ADGRL3: variants seen among roughly 807,000 people sequenced by gnomAD.
The protein encoded by ADGRL3 is adhesion G protein-coupled receptor L3.
ADGRL3 carries 62 observed loss-of-function variants against 153.5 expected under a neutral mutation model. That is an observed-to-expected ratio of 0.40 (90% confidence interval 0.33 to 0.50). The LOEUF is 0.50. Ranked by LOEUF, ADGRL3 falls within the 20% of genes least tolerant of loss-of-function variation. The pLI is 0.47. For missense variants in ADGRL3, 1,641 were observed against 1,859.4 expected, an observed-to-expected ratio of 0.88 and a Z score of 2.16; for synonymous variants, 710 against 672.5, an observed-to-expected ratio of 1.06 and a Z score of -0.86.
At chr4:61,448,848 G>GAAGGAA (rs1389471664) in intron 2 of ADGRL3, among the ~76,000 whole-genome samples, 9 of 8,932 alleles carry the variant, frequency 1.0e-3, no homozygotes, top group Admixed American at 3.8e-3. Flanking sequence ...GGGAAGGAAG[G>GAAGGAA]GAAGGAAGGG....
intron 5 of ADGRL3, among the ~76,000 whole-genome samples, chr4:61,611,651 G>A (rs532586380): frequency 2.2e-3 from 334 of 152,194 alleles, no homozygotes; most frequent in Non-Finnish European, 4.1e-3. Context: ...GGCCAGGCAC[G>A]GCGGCTCGTG....
chr4:62,020,902 T>A (rs2099234940), intron 21 of ADGRL3, among the ~76,000 whole-genome samples: 1 of 152,236 alleles, frequency 6.6e-6, no homozygotes, highest in Non-Finnish European at 1.5e-5. Context: ...TTGGAAATAC[T>A]TCCATTTCAA....
chr4:61,435,764 A>G (rs1389764428), intron 2 of ADGRL3, among the ~76,000 whole-genome samples: 1 of 152,092 alleles, frequency 6.6e-6, no homozygotes, highest in East Asian at 1.9e-4. Flanking sequence ...ACCATCTCAA[A>G]GGGCTAATCT....
At chr4:62,047,163 A>C (rs192970004) in intron 25 of ADGRL3, among the ~76,000 whole-genome samples, 1 of 151,608 alleles carries the variant, frequency 6.6e-6, no homozygotes. Flanking sequence ...GTTTTTTTTT[A>C]AATTCAGACT....
chr4:61,806,864 A>G (rs747895496), intron 8 of ADGRL3, among the ~76,000 whole-genome samples: 1 of 152,120 alleles, frequency 6.6e-6, no homozygotes, highest in African/African-American at 2.4e-5. Flanking sequence ...AATTGGGAGT[A>G]TAAATGTGAC....
chr4:61,435,715 T>C (rs1011630727), intron 2 of ADGRL3, among the ~76,000 whole-genome samples: 1 of 150,484 alleles, frequency 6.6e-6, no homozygotes, highest in African/African-American at 2.4e-5. Flanking sequence ...CTTTCTCTCT[T>C]GTCCTTCACC....
intron 5 of ADGRL3, 49 bp from the exon 6 acceptor site, chr4:61,676,777 T>A: frequency 8.1e-7 from 1 of 1,236,952 alleles, no homozygotes; most frequent in South Asian, 1.2e-5. Context: ...TTGATAATAA[T>A]TTAACTTTGC....
At chr4:61,546,619 C>T (rs2098714904) in intron 4 of ADGRL3, among the ~76,000 whole-genome samples, 1 of 151,966 alleles carries the variant, frequency 6.6e-6, no homozygotes, top group Non-Finnish European at 1.5e-5. Flanking sequence ...AATGAAGTCA[C>T]GTTTATAGCC....
intron 2 of ADGRL3, among the ~76,000 whole-genome samples, chr4:61,412,044 C>G (rs1578710458): frequency 6.6e-6 from 1 of 152,068 alleles, no homozygotes; most frequent in South Asian, 2.1e-4. Context: ...CTTCAGTAAA[C>G]TAGGTGCTAT....
chr4:61,743,279 C>T (rs1289516848), intron 8 of ADGRL3, among the ~76,000 whole-genome samples: 1 of 139,010 alleles, frequency 7.2e-6, no homozygotes, highest in African/African-American at 2.7e-5. Context: ...GAGATCAGAT[C>T]GTGCCACTGC....
intron 8 of ADGRL3, among the ~76,000 whole-genome samples, chr4:61,798,610 A>G (rs2097444847): frequency 6.6e-6 from 1 of 151,446 alleles, no homozygotes; most frequent in African/African-American, 2.4e-5. Context: ...TTATTTATTT[A>G]TTTATTTATT....
At chr4:61,640,526 C>G (rs2093617910) in intron 5 of ADGRL3, among the ~76,000 whole-genome samples, 2 of 151,966 alleles carry the variant, frequency 1.3e-5, no homozygotes, top group Non-Finnish European at 2.9e-5. Flanking sequence ...TTATCATAAG[C>G]CTTTTGATTT....
intron 1 of ADGRL3, among the ~76,000 whole-genome samples, chr4:61,329,784 G>T (rs2095535184): frequency 6.6e-6 from 1 of 152,204 alleles, no homozygotes. Flanking sequence ...GACATATGGA[G>T]TGTTTAATAT....
At chr4:61,378,668 A>C (rs1578534118) in intron 1 of ADGRL3, among the ~76,000 whole-genome samples, 1 of 152,168 alleles carries the variant, frequency 6.6e-6, no homozygotes, top group African/African-American at 2.4e-5. Flanking sequence ...GGGTGGTGTC[A>C]AAAAGTGGTG....
In ADGRL3 at chr4:61,252,404, TG is replaced by T. The variant is rs1268736543; in HGVS notation, c.-240+50640del. On this transcript the variant is annotated intron_variant, in intron 1 of 26. Coordinates refer to ENST00000683033, the MANE Select transcript of ADGRL3 (RefSeq NM_001387552.1). ...CATTACACTATTTTGTCAAAAGATTTGAAAAAAAGTGAGTTTGATAAATGTT... is the reference window on the plus strand; with the variant it reads ...CATTACACTATTTTGTCAAAAGATTTAAAAAAAGTGAGTTTGATAAATGTT... 2.6e-5 allele frequency among the ~76,000 whole-genome samples: 4 copies of T among 152,290 alleles called. No individual in the cohort carries two copies. The South Asian group carries it at 6.2e-4, about 24-fold the overall frequency.
chr4:61,575,914 A>T (rs1485030281), intron 4 of ADGRL3, among the ~76,000 whole-genome samples: 1 of 151,982 alleles, frequency 6.6e-6, no homozygotes, highest in Non-Finnish European at 1.5e-5. Context: ...TGGGAGGGAA[A>T]ATGTGTTTTA....
At chr4:61,571,301 C>A (rs1399149808) in intron 4 of ADGRL3, among the ~76,000 whole-genome samples, 1 of 146,018 alleles carries the variant, frequency 6.8e-6, no homozygotes, top group African/African-American at 2.5e-5. Flanking sequence ...ATGACAAGAC[C>A]CTGTCTCAAC....
intron 6 of ADGRL3, among the ~76,000 whole-genome samples, chr4:61,729,901 A>G (rs1016437922): frequency 4.6e-5 from 7 of 152,040 alleles, no homozygotes; most frequent in African/African-American, 1.7e-4. Context: ...TAAGAATTTC[A>G]GAAAAGACCA....
At chr4:61,809,956 T>G (rs2097591604) in intron 8 of ADGRL3, among the ~76,000 whole-genome samples, 1 of 152,104 alleles carries the variant, frequency 6.6e-6, no homozygotes. Context: ...AACGAGGAAT[T>G]TAAGGCACAT....
Sources: gnomAD v4.1 joint callset for allele counts (sites outside exome capture counted in the v4.1 genomes callset) on GRCh38, gnomAD v4.1.1 for gene constraint, MANE v1.5 for transcripts, NCBI Gene and HGNC (gene_info 2026-07-23, HGNC 2026-07-21) for gene names.